OR11A1: variants seen among roughly 807,000 people sequenced by gnomAD.
The protein encoded by OR11A1 is olfactory receptor family 11 subfamily A member 1.
For missense variants in OR11A1, 380 were observed against 378.2 expected (o/e 1.00, Z -0.04); for synonymous variants, 158 against 152.2 (o/e 1.04, Z -0.28).
rs779680733 is a variant in OR11A1 at position 29,440,325 on chromosome 6, C to T, written c.-388-8338G>A. ...ATGTGCTCTCCAGATGTTCTTCTTCCTCTTCTTTGGCGCCACGGAGTGCTG... is the reference window on the plus strand; with the variant it reads ...ATGTGCTCTCCAGATGTTCTTCTTCTTCTTCTTTGGCGCCACGGAGTGCTG... On this transcript the variant is annotated intron_variant, in intron 1 of 4. Transcript: ENST00000377149. The T allele has an allele frequency of 8.1e-6, 13 of 1,613,996 alleles. No homozygotes were observed. The South Asian group carries it at 1.4e-4, about 18-fold the overall frequency.
intron 1 of OR11A1, among the ~76,000 whole-genome samples, chr6:29,444,077 C>T (rs548230433): frequency 5.3e-5 from 8 of 152,118 alleles, no homozygotes; most frequent in Middle Eastern, 6.8e-3. Context: ...TCCCATAATT[C>T]CCATGTGTTG....
chr6:29,427,497 C>T lies in OR11A1; in HGVS notation c.145G>A (p.Val49Ile), dbSNP rs1181203403. ...FIIIGNMLIIVAVVSSQRLHK... is the reference protein window; with the variant it reads ...FIIIGNMLIIIAVVSSQRLHK... ...AGCCTCTGGGAGCTAACCACTGCTA[C>T]AATAATCAGCATATTCCCTATGATG... The change falls in exon 5 of 5, where the codon GTA (valine) becomes ATA (isoleucine). Residue 49 changes from valine to isoleucine, a missense_variant. Val to Ile is a conservative substitution (Grantham distance 29, BLOSUM62 3). Transcript: ENST00000377149. The T allele has an allele frequency of 2.5e-6, 4 of 1,612,878 alleles. No homozygotes were observed. The African/African-American group carries it at 5.3e-5, about 22-fold the overall frequency.
intron 3 of OR11A1, among the ~76,000 whole-genome samples, chr6:29,429,822 G>A (rs560912806): frequency 6.6e-6 from 1 of 152,288 alleles, no homozygotes; most frequent in South Asian, 2.1e-4. Flanking sequence ...CAGGATCAGA[G>A]TCTGGGGACC....
chr6:29,456,504 C>T (rs1465381076), intron 1 of OR11A1, among the ~76,000 whole-genome samples: 3 of 149,850 alleles, frequency 2.0e-5, no homozygotes, highest in Admixed American at 6.6e-5. Context: ...AGCAAGACTC[C>T]GTCTCAAAAA....
At chr6:29,434,112 G>A (rs1783460821) in intron 1 of OR11A1, among the ~76,000 whole-genome samples, 1 of 152,138 alleles carries the variant, frequency 6.6e-6, no homozygotes, top group South Asian at 2.1e-4. Flanking sequence ...CTCTCAACCT[G>A]TGGGTTGTCT....
At position 29,425,590 on chromosome 6, in the gene OR11A1, A is replaced by G. The variant is rs1782741051; in HGVS notation, c.*1104T>C. 6.6e-6 allele frequency: 1 copy of G among 152,210 alleles called. No individual in the cohort carries two copies. Among genetic ancestry groups the G allele is most frequent in the Admixed American group, 6.5e-5 (1 of 15,276 alleles). 9.4% of individuals were successfully genotyped at this position (152,210 alleles called of 1,614,324 possible). A position where few individuals can be genotyped will look rare whatever the true frequency, so the allele number is the denominator to read the frequency against. On this transcript the variant is annotated 3_prime_UTR_variant, in exon 5 of 5. Coordinates refer to ENST00000377149, the MANE Select transcript of OR11A1 (RefSeq NM_001394828.1). ...AATATGTACATACATAACTTACACA[A>G]CATAATAGTTATACAACATCTGGAA...
At chr6:29,428,049 A>G (rs923895737) in intron 4 of OR11A1, among the ~76,000 whole-genome samples, 9 of 152,162 alleles carry the variant, frequency 5.9e-5, no homozygotes, top group African/African-American at 2.2e-4. Context: ...TGTGTGCTAT[A>G]TAGACATGGC....
intron 1 of OR11A1, among the ~76,000 whole-genome samples, chr6:29,438,790 G>C (rs1359236886): frequency 4.1e-5 from 6 of 146,896 alleles, no homozygotes; most frequent in African/African-American, 1.6e-4. Context: ...AAACCTAAGA[G>C]AGGCTTCCTC....
chr6:29,435,829 T>C (rs1176395694), intron 1 of OR11A1, among the ~76,000 whole-genome samples: 1 of 152,236 alleles, frequency 6.6e-6, no homozygotes, highest in Non-Finnish European at 1.5e-5. Flanking sequence ...ATCCTATTCA[T>C]CTTTGTATCC....
intron 1 of OR11A1, chr6:29,440,096 C>T (rs146723934): frequency 6.2e-7 from 1 of 1,613,330 alleles, no homozygotes; most frequent in East Asian, 2.2e-5. Flanking sequence ...GCTTGCTCTT[C>T]TCTGTCTTTC....
Position 29,427,023 on chromosome 6 carries a change from A to C in OR11A1, c.619T>G (p.Cys207Gly). ...ATCAGTCCAAAAGGAATAGTGAGGC[A>C]GAACACAGACAGAATGAGAGTTGTC... ...QVTTLILSVF[C>G]LTIPFGLILT... Residue 207 changes from cysteine to glycine, a missense_variant, in exon 5 of 5, where the codon TGC becomes GGC. Coordinates refer to ENST00000377149, the MANE Select transcript of OR11A1 (RefSeq NM_001394828.1). The C allele has an allele frequency of 6.2e-7, 1 of 1,612,594 alleles. No individual in the cohort carries two copies. Among genetic ancestry groups the C allele is most frequent in the African/African-American group, 1.3e-5 (1 of 75,060 alleles).
chr6:29,427,120 G>C lies in OR11A1; in HGVS notation c.522C>G (p.His174Gln). 6.2e-7 allele frequency: 1 copy of C among 1,612,974 alleles called. No homozygotes were observed. The highest frequency in any genetic ancestry group is 8.5e-7 in the Non-Finnish European group (1 of 1,180,012). Residue 174 changes from histidine to glutamine, a missense_variant, in exon 5 of 5, where the codon CAC (histidine) becomes CAG (glutamine). Transcript: ENST00000377149. ...VAQLRFCGPN[H>Q]IDQFYCDFML... Reference sequence around the variant, plus strand: ...TAAAGTCACAGTAAAACTGGTCAATGTGGTTGGGGCCACAGAACCTCAGCT... The same window carrying C: ...TAAAGTCACAGTAAAACTGGTCAATCTGGTTGGGGCCACAGAACCTCAGCT...
intron 2 of OR11A1, among the ~76,000 whole-genome samples, chr6:29,431,550 C>A (rs1783231019): frequency 6.6e-6 from 1 of 152,070 alleles, no homozygotes; most frequent in African/African-American, 2.4e-5. Flanking sequence ...TCAACTGAAG[C>A]TTGGGGAGCA....
In OR11A1 at chr6:29,427,445, G is replaced by A. The variant is rs779742908; in HGVS notation, c.197C>T (p.Ala66Val). The change falls in exon 5 of 5, where the codon GCG becomes GTG. Residue 66 changes from alanine (A) to valine (V), a missense_variant. Transcript: ENST00000377149. ...RLHKPMYIFL[A>V]NLSFLDILYT... ...GAGAATATCCAGGAAGGACAGATTC[G>A]CCAAGAAAATATACATGGGTTTGTG... The A allele has an allele frequency of 1.7e-5, 27 of 1,613,028 alleles. No homozygotes were observed. The highest frequency in any genetic ancestry group is 1.6e-4 in the Middle Eastern group (1 of 6,062).
At chr6:29,440,780 C>G (rs774176855) in intron 1 of OR11A1, 1 of 1,614,024 alleles carries the variant, frequency 6.2e-7, no homozygotes, top group Non-Finnish European at 8.5e-7. Flanking sequence ...GCACCGCACT[C>G]TTTATCTATA....
At position 29,427,492 on chromosome 6, in the gene OR11A1, T is replaced by C. The variant is rs1253315035; in HGVS notation, c.150A>G (p.Ala50=). The C allele has an allele frequency of 6.2e-7, 1 of 1,613,034 alleles. No individual in the cohort carries two copies. Residue 50 remains alanine, a synonymous_variant, in exon 5 of 5, where the codon GCA becomes GCG. Transcript: ENST00000377149. The part of the protein sequence containing the change: ...IIIGNMLIIV[A]VVSSQRLHKP... Reference sequence around the variant, plus strand: ...TGTGGAGCCTCTGGGAGCTAACCACTGCTACAATAATCAGCATATTCCCTA... The same window carrying C: ...TGTGGAGCCTCTGGGAGCTAACCACCGCTACAATAATCAGCATATTCCCTA...
Position 29,442,343 on chromosome 6 carries a change from A to G in OR11A1, c.-388-10356T>C, listed in dbSNP as rs917818844. Among the ~76,000 whole-genome samples the G allele has an allele frequency of 2.6e-5, 4 of 152,382 alleles. No individual in the cohort carries two copies. The South Asian group carries it at 8.3e-4, about 32-fold the overall frequency. On this transcript the variant is annotated intron_variant, in intron 1 of 4. Transcript: ENST00000377149. ...TGCAGGAGAGTCAGTGAACTGCAGA[A>G]CAAATAAGTGGAATAAGCTGAGAGG...
At position 29,426,584 on chromosome 6, in the gene OR11A1, A is replaced by C. The variant is rs1782819777; in HGVS notation, c.*110T>G. ...TTCATTTTTAGTATAACTGCAGAAG[A>C]GTTCAAAGAGAATGGTCGAATAAGA... On this transcript the variant is annotated 3_prime_UTR_variant, in exon 5 of 5. Transcript: ENST00000377149. The C allele has an allele frequency of 1.3e-6, 1 of 746,882 alleles. No individual in the cohort carries two copies. Among genetic ancestry groups the C allele is most frequent in the South Asian group, 2.0e-5 (1 of 49,158 alleles). The allele number at this position is 746,882 out of a possible 1,614,324, so 46.3% of individuals were successfully genotyped here. A position where few individuals can be genotyped will look rare whatever the true frequency, so the allele number is the denominator to read the frequency against.
rs143892261 is a variant in OR11A1, at chr6:29,448,752, T to C, written c.-389+8235A>G. Among the ~76,000 whole-genome samples the C allele has an allele frequency of 8.0e-3, 1,217 of 152,324 alleles. 14 individuals are homozygous for C. Among genetic ancestry groups the C allele is most frequent in the East Asian group, 0.025 (131 of 5,170 alleles). ...ACTTTGACCTCTGGTGTCCTAGAAC[T>C]CCTGCTTCCCATGACTTCCATCTCC... On this transcript the variant is annotated intron_variant, in intron 1 of 4. Coordinates refer to ENST00000377149, the MANE Select transcript of OR11A1 (RefSeq NM_001394828.1).
Sources: gnomAD v4.1 joint callset for allele counts (sites outside exome capture counted in the v4.1 genomes callset) on GRCh38, gnomAD v4.1.1 for gene constraint, MANE v1.5 for transcripts, NCBI Gene and HGNC (gene_info 2026-07-23, HGNC 2026-07-21) for gene names.